Variants in USP36 observed in about 807,000 individuals in gnomAD.
USP36 encodes ubiquitin specific peptidase 36.
A neutral mutation model predicts 111.5 loss-of-function variants in USP36; 59 were observed. The ratio of observed to expected loss-of-function variants is 0.53; its 90% confidence interval spans 0.43 to 0.66. The LOEUF is 0.66. USP36 is among the 30% of genes least tolerant of loss of function. The pLI, the probability that USP36 is intolerant of heterozygous loss-of-function variation, is 0.00. For synonymous variants in USP36, 628 were observed against 581.0 expected (o/e 1.08, Z -1.16); for missense variants, 1,488 against 1,468.0 (o/e 1.01, Z -0.22).
rs1317023511 is a variant in USP36, at chr17:78,798,759, T to C, written c.3240+149A>G. 9 of 1,206,572 alleles carry C rather than the reference T, an allele frequency of 7.5e-6. No individual in the cohort carries two copies. Among genetic ancestry groups the C allele is most frequent in the Admixed American group, 5.8e-5 (3 of 52,088 alleles). 74.7% of individuals were successfully genotyped at this position (1,206,572 alleles called of 1,614,324 possible). On this transcript the variant is annotated intron_variant, in intron 19 of 20. Coordinates refer to ENST00000449938, the MANE Select transcript of USP36 (RefSeq NM_001385174.1). The surrounding 1 kb of genome is among the most constrained non-coding windows in gnomAD (Gnocchi z 5.1). Reference sequence around the variant, plus strand: ...GCTGCGAGGATGCATGCCCTGTCCATGGCCACACGCCCGGACAGGCCTGGG... The same window carrying C: ...GCTGCGAGGATGCATGCCCTGTCCACGGCCACACGCCCGGACAGGCCTGGG...
rs767122376 is a variant in USP36 at position 78,803,945 on chromosome 17, G to A, written c.2250C>T (p.Arg750=). The change falls in exon 16 of 21, where the codon CGC becomes CGT. Residue 750 remains arginine (R), a synonymous_variant. Transcript: ENST00000449938. This position sits in a 1 kb window ranked among gnomAD's most constrained non-coding sequence, Gnocchi z 4.6. ...GGTGGGGGCTGAAGGGGGGTTGCAG[G>A]CGGCTGGATGATTGGGGAGCAGGTG... ...AVSPAPQSSS[R]LQPPFSPHPT... The A allele has an allele frequency of 5.0e-6, 8 of 1,602,698 alleles. No individual in the cohort carries two copies. In the African/African-American group the frequency reaches 5.4e-5, roughly 11 times the overall value.
At position 78,802,453 on chromosome 17, in the gene USP36, T is replaced by C. The variant is rs1156989866; in HGVS notation, c.2893A>G (p.Thr965Ala). 6.3e-7 allele frequency: 1 copy of C among 1,598,138 alleles called. No individual in the cohort carries two copies. The highest frequency in any genetic ancestry group is 8.5e-7 in the Non-Finnish European group (1 of 1,171,652). The change falls in exon 17 of 21, where the codon ACA (threonine) becomes GCA (alanine). Residue 965 changes from threonine to alanine, a missense_variant. By Grantham distance (58) the Thr-to-Ala change is moderately conservative (BLOSUM62 0). Around this residue, in one of 3 missense-constraint regions of USP36, gnomAD observed 1,073 missense variants for 994.1 expected, o/e 1.08. Coordinates refer to ENST00000449938, the MANE Select transcript of USP36 (RefSeq NM_001385174.1). ...KKKKKKRKQE[T>A]QRAVEEDGHL... ...CCATCCTCTTCTACTGCCCGCTGTGTCTCCTGCTTTCTTTTTTTCTTTTTC... is the reference window on the plus strand; with the variant it reads ...CCATCCTCTTCTACTGCCCGCTGTGCCTCCTGCTTTCTTTTTTTCTTTTTC...
intron 10 of USP36, among the ~76,000 whole-genome samples, chr17:78,817,627 C>A (rs572902685): frequency 6.6e-6 from 1 of 151,614 alleles, no homozygotes; most frequent in Non-Finnish European, 1.5e-5. Flanking sequence ...TGGTGGTGGG[C>A]GCCTTAATCC....
chr17:78,813,684 C>T (rs1271609793), intron 12 of USP36, 89 bp downstream of exon 12: 1 of 1,195,120 alleles, frequency 8.4e-7, no homozygotes. Context: ...TCCCAATTAC[C>T]TTCAAACAAA....
downstream of USP36, among the ~76,000 whole-genome samples, chr17:78,791,572 A>C (rs189803882): frequency 7.9e-4 from 121 of 152,294 alleles, no homozygotes; most frequent in Middle Eastern, 6.8e-3. Flanking sequence ...GAACAAGCAC[A>C]TTTTTAATCT....
intron 6 of USP36, among the ~76,000 whole-genome samples, chr17:78,823,872 G>T (rs2067295064): frequency 6.6e-6 from 1 of 152,194 alleles, no homozygotes. Context: ...AGGCGCTCTG[G>T]ATACGAATCT....
At chr17:78,815,787 T>C (rs1378061317) in intron 10 of USP36, among the ~76,000 whole-genome samples, 2 of 152,096 alleles carry the variant, frequency 1.3e-5, no homozygotes, top group Admixed American at 1.3e-4. Context: ...TGCACACATA[T>C]ATACATACAT....
At chr17:78,813,495 C>T (rs1470109555) in intron 12 of USP36, among the ~76,000 whole-genome samples, 3 of 152,316 alleles carry the variant, frequency 2.0e-5, no homozygotes, top group African/African-American at 4.8e-5. Context: ...ATCCAGGGAG[C>T]AGTACCTCTA....
rs147398039 is a variant in USP36 at position 78,828,913 on chromosome 17, G to T, written c.570C>A (p.Phe190Leu). Residue 190 changes from phenylalanine (F) to leucine (L), a missense_variant, in exon 5 of 21, where the codon TTC becomes TTA. Coordinates refer to ENST00000449938, the MANE Select transcript of USP36 (RefSeq NM_001385174.1). Reference protein sequence around the residue: ...NSGNAIKPVSFIRDLKKIARH... With the variant: ...NSGNAIKPVSLIRDLKKIARH... ...GATGCTTACTTTTCAGGTCTCGGATGAAGGAGACGGGCTTGATGGCGTTGC... is the reference window on the plus strand; with the variant it reads ...GATGCTTACTTTTCAGGTCTCGGATTAAGGAGACGGGCTTGATGGCGTTGC... 4.3e-5 allele frequency: 69 copies of T among 1,614,042 alleles called. No individual in the cohort carries two copies. Among genetic ancestry groups the T allele is most frequent in the Non-Finnish European group, 5.4e-5 (64 of 1,180,026 alleles).
chr17:78,829,752 T>C (rs1020977117), intron 4 of USP36, among the ~76,000 whole-genome samples: 4 of 151,506 alleles, frequency 2.6e-5, no homozygotes, highest in Non-Finnish European at 5.9e-5. Flanking sequence ...ACAGTGGTCC[T>C]TTTTTTTTGA....
chr17:78,828,023 A>C (rs1434881390), intron 5 of USP36, among the ~76,000 whole-genome samples: 5 of 152,196 alleles, frequency 3.3e-5, no homozygotes, highest in Non-Finnish European at 7.3e-5. Flanking sequence ...TGGGAGTTGG[A>C]GACCAGCCTG....
chr17:78,813,173 G>A (rs2094108632), intron 12 of USP36, among the ~76,000 whole-genome samples, 172 bp from the exon 13 acceptor site: 1 of 152,186 alleles, frequency 6.6e-6, no homozygotes, highest in Non-Finnish European at 1.5e-5. Flanking sequence ...GTGAGGCTGA[G>A]AGATCAGCCC....
chr17:78,828,332 C>T (rs1020918137), intron 5 of USP36, among the ~76,000 whole-genome samples: 1 of 152,224 alleles, frequency 6.6e-6, no homozygotes, highest in African/African-American at 2.4e-5. Flanking sequence ...TAATAGGCCT[C>T]TTCTTTCTGC....
rs777943978 is a variant in USP36 at position 78,798,410 on chromosome 17, A to G, written c.*10T>C. On this transcript the variant is annotated 3_prime_UTR_variant, in exon 20 of 21. Coordinates refer to ENST00000449938, the MANE Select transcript of USP36 (RefSeq NM_001385174.1). The surrounding 1 kb of genome is among the most constrained non-coding windows in gnomAD (Gnocchi z 5.1). Reference sequence around the variant, plus strand: ...CCCCTCGGAACCGACCTCCTTCCACAGGGGCACAGTCAGCGGCGATAGCTG... The same window carrying G: ...CCCCTCGGAACCGACCTCCTTCCACGGGGGCACAGTCAGCGGCGATAGCTG... 6.2e-7 allele frequency: 1 copy of G among 1,613,664 alleles called. No homozygotes were observed. The highest frequency in any genetic ancestry group is 1.1e-5 in the South Asian group (1 of 91,070).
At chr17:78,814,233 C>T (rs141066245) in intron 11 of USP36, among the ~76,000 whole-genome samples, 179 bp downstream of exon 11, 232 of 152,308 alleles carry the variant, frequency 1.5e-3, no homozygotes, top group African/African-American at 5.5e-3. Flanking sequence ...GATTCTGGTG[C>T]AACACTTCTG....
chr17:78,795,009 G>GAAAAAAAA (rs78492260), downstream of USP36, among the ~76,000 whole-genome samples: 1 of 115,506 alleles, frequency 8.7e-6, no homozygotes, highest in Admixed American at 9.0e-5. The surrounding 1 kb of genome is among the most constrained non-coding windows in gnomAD (Gnocchi z 4.5). Flanking sequence ...CTCTGTTCGG[G>GAAAAAAAA]AAAAAAAAAA....
intron 4 of USP36, among the ~76,000 whole-genome samples, chr17:78,833,083 G>A (rs1221527507): frequency 6.6e-6 from 1 of 151,932 alleles, no homozygotes; most frequent in Non-Finnish European, 1.5e-5. Context: ...AGGAGGCGGG[G>A]GTTGCAGTGA....
intron 9 of USP36, among the ~76,000 whole-genome samples, chr17:78,819,602 G>A (rs764488350): frequency 3.9e-5 from 6 of 152,254 alleles, no homozygotes; most frequent in South Asian, 2.1e-4. Flanking sequence ...GCTCTGCCAC[G>A]TCCTCTTGGT....
rs2093642062 is a variant in USP36 at position 78,797,201 on chromosome 17, C to T, written c.*699G>A. 1 of 152,264 alleles carries T rather than the reference C, an allele frequency of 6.6e-6. No individual in the cohort carries two copies. Among genetic ancestry groups the T allele is most frequent in the Non-Finnish European group, 1.5e-5 (1 of 68,056 alleles). 9.4% of individuals were successfully genotyped at this position (152,264 alleles called of 1,614,324 possible). A position where few individuals can be genotyped will look rare whatever the true frequency, so the allele number is the denominator to read the frequency against. ...TACAGCACAGTCGTCTCAGAATAAA[C>T]AGCAGCCTGGAAAGCAGATGTATTC... On this transcript the variant is annotated 3_prime_UTR_variant, in exon 21 of 21. Transcript: ENST00000449938.
Sources: allele counts gnomAD v4.1 joint callset (sites outside exome capture counted in the v4.1 genomes callset), GRCh38; gene constraint gnomAD v4.1.1; regional missense constraint gnomAD v4.1.1; non-coding constraint Gnocchi (gnomAD v3.1); transcripts MANE v1.5; gene names NCBI Gene and HGNC (gene_info 2026-07-23, HGNC 2026-07-21).